The following MYT1L variants were observed in gnomAD, a reference collection of about 807,000 sequenced individuals.
The protein encoded by MYT1L is myelin transcription factor 1 like.
A neutral mutation model predicts 126.7 loss-of-function variants in MYT1L; 12 were observed. That is an observed-to-expected ratio of 0.09 (90% CI 0.06 to 0.15). MYT1L has a LOEUF of 0.15. Ranked by LOEUF, MYT1L falls within the 10% of genes least tolerant of loss-of-function variation. The pLI, the probability that MYT1L is intolerant of heterozygous loss-of-function variation, is 1.00. For missense variants in MYT1L, 979 were observed against 1,585.2 expected, an observed-to-expected ratio of 0.62 and a Z score of 6.49; for synonymous variants, 541 against 604.2, an observed-to-expected ratio of 0.90 and a Z score of 1.53.
intron 8 of MYT1L, among the ~76,000 whole-genome samples, chr2:1,948,900 C>A (rs1217370567): frequency 6.6e-6 from 1 of 152,158 alleles, no homozygotes; most frequent in East Asian, 1.9e-4. Flanking sequence ...AGATTTATAT[C>A]TCTTTTTATG....
intron 10 of MYT1L, among the ~76,000 whole-genome samples, chr2:1,918,736 A>G (rs1480984368): frequency 6.6e-6 from 1 of 152,204 alleles, no homozygotes; most frequent in African/African-American, 2.4e-5. Flanking sequence ...TGAGGGAAAT[A>G]CCATTTGTAC....
chr2:1,934,130 A>T (rs187214169), intron 9 of MYT1L, among the ~76,000 whole-genome samples: 2 of 142,412 alleles, frequency 1.4e-5, no homozygotes, highest in Non-Finnish European at 3.2e-5. Context: ...ACCCGCCACC[A>T]CGCCTGGCTA....
intron 3 of MYT1L, among the ~76,000 whole-genome samples, chr2:2,088,152 T>C (rs771682831): frequency 3.3e-5 from 5 of 152,228 alleles, no homozygotes; most frequent in Non-Finnish European, 5.9e-5. Context: ...TACAGTGTGA[T>C]AGCTGCCTGA....
intron 3 of MYT1L, among the ~76,000 whole-genome samples, chr2:2,103,099 CCACATGCT>C (rs1394230728): frequency 6.6e-6 from 1 of 152,062 alleles, no homozygotes; most frequent in East Asian, 1.9e-4. Context: ...GAAAATTCCT[CCACATGCT>C]TACATGTGCC....
chr2:2,016,132 T>C (rs1042690420), intron 4 of MYT1L, among the ~76,000 whole-genome samples: 2 of 152,246 alleles, frequency 1.3e-5, no homozygotes, highest in Admixed American at 6.5e-5. Flanking sequence ...CTAGGAGCTT[T>C]GTCCACATCC....
intron 8 of MYT1L, among the ~76,000 whole-genome samples, chr2:1,961,568 G>A (rs1239648175): frequency 6.6e-6 from 1 of 152,230 alleles, no homozygotes. Flanking sequence ...ATCGGGCTTC[G>A]TGCACCCACA....
intron 18 of MYT1L, among the ~76,000 whole-genome samples, chr2:1,865,132 G>A (rs933565484): frequency 2.6e-5 from 4 of 152,304 alleles, no homozygotes; most frequent in South Asian, 2.1e-4. Context: ...CATCTGCCCC[G>A]GGTACTGAGT....
chr2:2,006,200 T>C (rs2063309841), intron 4 of MYT1L, among the ~76,000 whole-genome samples: 1 of 152,220 alleles, frequency 6.6e-6, no homozygotes. Context: ...CACATCATTA[T>C]GTGGTACTCT....
At chr2:1,883,931 T>C (rs2047880754) in intron 18 of MYT1L, 1 of 152,194 alleles carries the variant, frequency 6.6e-6, no homozygotes, top group Non-Finnish European at 1.5e-5. Flanking sequence ...ATATTATACA[T>C]AATTAGACAA....
At position 1,791,854 on chromosome 2, in the gene MYT1L, C is replaced by A; in HGVS notation, c.*13G>T. 6.4e-7 allele frequency: 1 copy of A among 1,573,950 alleles called. No individual in the cohort carries two copies. Among genetic ancestry groups the A allele is most frequent in the South Asian group, 1.2e-5 (1 of 82,802 alleles). ...TCCTTTTTAAGCAAGAGTTTCATCA[C>A]TACAGCAGCTGTTCAGACCTGAATT... On this transcript the variant is annotated 3_prime_UTR_variant, in exon 25 of 25. Transcript: ENST00000647738. This position sits in a 1 kb window ranked among gnomAD's most constrained non-coding sequence, Gnocchi z 6.0.
intron 19 of MYT1L, among the ~76,000 whole-genome samples, chr2:1,846,457 T>C (rs1454470264): frequency 6.6e-6 from 1 of 152,052 alleles, no homozygotes; most frequent in East Asian, 1.9e-4. Context: ...TTGTAAACGA[T>C]GGAAACGCTG....
At chr2:2,023,294 C>T (rs2065209950) in intron 4 of MYT1L, among the ~76,000 whole-genome samples, 1 of 152,162 alleles carries the variant, frequency 6.6e-6, no homozygotes, top group Non-Finnish European at 1.5e-5. Context: ...TGCATAGACT[C>T]GTGCATGAAC....
At chr2:2,140,915 C>T (rs1445913046) in intron 3 of MYT1L, among the ~76,000 whole-genome samples, 3 of 152,134 alleles carry the variant, frequency 2.0e-5, no homozygotes, top group Admixed American at 2.0e-4. Flanking sequence ...CGGAATTAGG[C>T]AATTGCATAT....
At chr2:1,933,873 A>C (rs898109848) in intron 9 of MYT1L, among the ~76,000 whole-genome samples, 89 of 151,446 alleles carry the variant, frequency 5.9e-4, no homozygotes, top group African/African-American at 2.0e-3. Flanking sequence ...AATTTAACTT[A>C]TTTACATTTA....
chr2:2,140,263 A>T (rs2083749571), intron 3 of MYT1L, among the ~76,000 whole-genome samples: 2 of 152,126 alleles, frequency 1.3e-5, no homozygotes, highest in Admixed American at 1.3e-4. Context: ...CAAATTTAAA[A>T]TTTTTTACAC....
intron 2 of MYT1L, among the ~76,000 whole-genome samples, chr2:2,227,609 A>G (rs1350592702): frequency 2.8e-4 from 43 of 152,138 alleles, no homozygotes; most frequent in Non-Finnish European, 2.9e-5. Context: ...AGCTGACCGC[A>G]CTATCTGTTA....
intron 1 of MYT1L, among the ~76,000 whole-genome samples, chr2:2,296,476 T>G (rs1237907362): frequency 6.6e-6 from 1 of 152,224 alleles, no homozygotes; most frequent in Non-Finnish European, 1.5e-5. Flanking sequence ...TTGTAATTAC[T>G]ATCGAGATAT....
At chr2:2,306,714 C>A (rs370136679) in intron 1 of MYT1L, among the ~76,000 whole-genome samples, 1 of 152,160 alleles carries the variant, frequency 6.6e-6, no homozygotes, top group East Asian at 1.9e-4. Context: ...CTGGTCACAG[C>A]AACAGCACTA....
intron 2 of MYT1L, among the ~76,000 whole-genome samples, chr2:2,214,274 T>TATCTATC (rs2093615913): frequency 6.6e-6 from 1 of 151,244 alleles, no homozygotes; most frequent in African/African-American, 2.4e-5. Context: ...TCTATCTATC[T>TATCTATC]ATCTATCTAT....
Sources: allele counts gnomAD v4.1 joint callset (sites outside exome capture counted in the v4.1 genomes callset), GRCh38; gene constraint gnomAD v4.1.1; non-coding constraint Gnocchi (gnomAD v3.1); transcripts MANE v1.5; gene names NCBI Gene and HGNC (gene_info 2026-07-23, HGNC 2026-07-21).